Variants in TAS2R1 observed in about 807,000 individuals in gnomAD.
TAS2R1 encodes the protein taste receptor type 2 member 1.
For synonymous variants in TAS2R1, 141 were observed against 134.2 expected, an observed-to-expected ratio of 1.05 and a Z score of -0.35; for missense variants, 370 against 353.4, an observed-to-expected ratio of 1.05 and a Z score of -0.38.
At chr5:9,693,256 C>A (rs1579786475) in intron 1 of TAS2R1, among the ~76,000 whole-genome samples, 2 of 152,156 alleles carry the variant, frequency 1.3e-5, no homozygotes, top group East Asian at 1.9e-4. Context: ...TGCCTGTAAT[C>A]CCAACACTTT....
intron 1 of TAS2R1, among the ~76,000 whole-genome samples, chr5:9,689,720 ATAAGATACTAAATATTAAACGTTTTTTC>A (rs1383228686): frequency 2.7e-4 from 41 of 152,278 alleles, no homozygotes; most frequent in Admixed American, 9.8e-4. Flanking sequence ...ATTTCTGTCT[ATAAGATACTAAATATTAAACGTTTTTTC>A]TAGCTGTTAT....
chr5:9,634,201 C>G (rs1481874254), upstream of TAS2R1, among the ~76,000 whole-genome samples: 2 of 152,000 alleles, frequency 1.3e-5, no homozygotes, highest in East Asian at 3.8e-4. Flanking sequence ...ATATGGTGTC[C>G]TTTTCCCACT....
At chr5:9,809,442 C>T in the TAS2R1 span, among the ~76,000 whole-genome samples, 3 of 152,016 alleles carry the variant, frequency 2.0e-5, no homozygotes, top group Non-Finnish European at 4.4e-5. Flanking sequence ...GGTAGACCCT[C>T]CATTATGGGA....
the TAS2R1 span, among the ~76,000 whole-genome samples, chr5:9,755,798 G>A: frequency 6.6e-6 from 1 of 152,106 alleles, no homozygotes; most frequent in Non-Finnish European, 1.5e-5. Flanking sequence ...GACCACATAA[G>A]GTAACTTTCT....
the TAS2R1 span, among the ~76,000 whole-genome samples, chr5:9,894,525 G>A: frequency 6.6e-6 from 1 of 152,216 alleles, no homozygotes; most frequent in Non-Finnish European, 1.5e-5. Context: ...GCAAACCCTG[G>A]AGGAAGGCCT....
chr5:9,719,267 G>C, the TAS2R1 span, among the ~76,000 whole-genome samples: 1 of 146,158 alleles, frequency 6.8e-6, no homozygotes, highest in Non-Finnish European at 1.5e-5. Flanking sequence ...CAGAGAAAGA[G>C]AGAGAGATTG....
intron 1 of TAS2R1, among the ~76,000 whole-genome samples, chr5:9,686,927 T>C (rs1741136551): frequency 6.6e-6 from 1 of 152,302 alleles, no homozygotes; most frequent in South Asian, 2.1e-4. Flanking sequence ...ACTGTACTTG[T>C]GGATTATTTT....
the TAS2R1 span, among the ~76,000 whole-genome samples, chr5:9,849,250 G>T: frequency 6.6e-6 from 1 of 152,148 alleles, no homozygotes; most frequent in Non-Finnish European, 1.5e-5. Flanking sequence ...GCCACCCCTG[G>T]TCCACAGACC....
At chr5:9,782,504 C>T in the TAS2R1 span, among the ~76,000 whole-genome samples, 5 of 152,188 alleles carry the variant, frequency 3.3e-5, no homozygotes, top group African/African-American at 1.2e-4. Flanking sequence ...TAAGCCCTGA[C>T]TTGCTGGAAC....
At chr5:9,837,812 A>T in the TAS2R1 span, among the ~76,000 whole-genome samples, 1 of 152,246 alleles carries the variant, frequency 6.6e-6, no homozygotes, top group Non-Finnish European at 1.5e-5. Flanking sequence ...TTATTGCAGC[A>T]TCTGGGATGT....
the TAS2R1 span, among the ~76,000 whole-genome samples, chr5:9,802,339 G>A: frequency 6.6e-6 from 1 of 152,098 alleles, no homozygotes; most frequent in Non-Finnish European, 1.5e-5. Context: ...AATCACTGCA[G>A]TTCAGCTCCC....
chr5:9,812,143 A>G, the TAS2R1 span, among the ~76,000 whole-genome samples: 1 of 151,282 alleles, frequency 6.6e-6, no homozygotes, highest in Admixed American at 6.6e-5. Flanking sequence ...ATTGTCCTTC[A>G]CCCCCCTGCC....
At chr5:9,895,760 C>T in the TAS2R1 span, among the ~76,000 whole-genome samples, 1 of 152,206 alleles carries the variant, frequency 6.6e-6, no homozygotes, top group African/African-American at 2.4e-5. Flanking sequence ...TTATCACAGA[C>T]AGTGCAATAT....
the TAS2R1 span, among the ~76,000 whole-genome samples, chr5:9,895,590 T>C: frequency 6.6e-6 from 1 of 152,226 alleles, no homozygotes; most frequent in Non-Finnish European, 1.5e-5. Flanking sequence ...TCTTTTCTTA[T>C]CCTTTTCTGC....
At chr5:9,704,624 T>G (rs1341053278) in intron 1 of TAS2R1, among the ~76,000 whole-genome samples, 1 of 152,136 alleles carries the variant, frequency 6.6e-6, no homozygotes, top group Non-Finnish European at 1.5e-5. Context: ...CATGAAAAAT[T>G]AGTTCACACA....
the TAS2R1 span, among the ~76,000 whole-genome samples, chr5:9,752,212 A>T: frequency 6.6e-6 from 1 of 152,136 alleles, no homozygotes; most frequent in South Asian, 2.1e-4. Context: ...GCTGAATTCA[A>T]CTCCAGGATT....
the TAS2R1 span, among the ~76,000 whole-genome samples, chr5:9,877,575 A>G: frequency 6.6e-6 from 1 of 152,240 alleles, no homozygotes; most frequent in Non-Finnish European, 1.5e-5. Flanking sequence ...GCAATCTGTC[A>G]TCAATTGTAG....
the TAS2R1 span, among the ~76,000 whole-genome samples, chr5:9,897,784 A>C: frequency 6.6e-6 from 1 of 152,222 alleles, no homozygotes; most frequent in African/African-American, 2.4e-5. Context: ...GCAGTTCAAA[A>C]TGTACTAGGA....
At chr5:9,896,750 T>C in the TAS2R1 span, among the ~76,000 whole-genome samples, 1 of 152,192 alleles carries the variant, frequency 6.6e-6, no homozygotes, top group Non-Finnish European at 1.5e-5. Context: ...TTCTAAGTCC[T>C]TGCAAGGCAA....
Sources: gnomAD v4.1 joint callset for allele counts (sites outside exome capture counted in the v4.1 genomes callset) on GRCh38, gnomAD v4.1.1 for gene constraint, MANE v1.5 for transcripts, NCBI Gene and HGNC (gene_info 2026-07-23, HGNC 2026-07-21) for gene names.